The following CDYL variants were observed in gnomAD, a reference collection of about 807,000 sequenced individuals.
CDYL encodes the protein chromodomain Y-like protein.
CDYL carries 8 observed loss-of-function variants against 47.3 expected under a neutral mutation model. The ratio of observed to expected loss-of-function variants is 0.17; its 90% confidence interval spans 0.10 to 0.31. The LOEUF (loss-of-function observed/expected upper bound fraction) is 0.31. Among genes scored for constraint, CDYL ranks in the 10% least tolerant of loss-of-function variants. The probability of loss-of-function intolerance (pLI) is 1.00; values close to 1 mark genes in which losing one functional copy is unlikely to be tolerated. For missense variants in CDYL, 471 were observed against 701.4 expected (o/e 0.67, Z 3.71); for synonymous variants, 266 against 265.0 (o/e 1.00, Z -0.04).
intron 2 of CDYL, chr6:4,734,653 G>A (rs1757669453): frequency 1.4e-6 from 2 of 1,458,460 alleles, no homozygotes. Context: ...AATTCAGGAA[G>A]GGGAGGGCAC....
chr6:4,909,655 C>T (rs35543649), intron 2 of CDYL, among the ~76,000 whole-genome samples: 2,787 of 152,198 alleles, frequency 0.018, 46 homozygotes, highest in Middle Eastern at 0.031. Flanking sequence ...CTACAAGCTC[C>T]GCCTCCCGTC....
intron 3 of CDYL, among the ~76,000 whole-genome samples, chr6:4,754,792 G>A (rs980695110): frequency 6.6e-6 from 1 of 152,094 alleles, no homozygotes; most frequent in Non-Finnish European, 1.5e-5. Context: ...TCATAAATAT[G>A]TACTCTTGAA....
intron 1 of CDYL, among the ~76,000 whole-genome samples, chr6:4,855,457 T>C (rs1760978247): frequency 6.6e-6 from 1 of 152,114 alleles, no homozygotes. Flanking sequence ...CCCAGCTAAT[T>C]TTTATCAGCA....
At chr6:4,885,415 A>G (rs188927676) in intron 1 of CDYL, among the ~76,000 whole-genome samples, 57 of 152,286 alleles carry the variant, frequency 3.7e-4, no homozygotes, top group African/African-American at 1.2e-3. Flanking sequence ...CATAGATGCT[A>G]CCACCTCATT....
intron 1 of CDYL, among the ~76,000 whole-genome samples, chr6:4,878,625 G>T (rs1461945757): frequency 6.6e-6 from 1 of 151,924 alleles, no homozygotes; most frequent in Non-Finnish European, 1.5e-5. Flanking sequence ...AGGATCTGTA[G>T]TGTTATTCTC....
At chr6:4,741,224 A>T (rs922237470) in intron 3 of CDYL, among the ~76,000 whole-genome samples, 2 of 152,080 alleles carry the variant, frequency 1.3e-5, no homozygotes, top group Admixed American at 6.5e-5. Context: ...TTTCTTTTCA[A>T]CCTCCCAGGA....
chr6:4,798,009 G>T (rs1163128236), intron 1 of CDYL, among the ~76,000 whole-genome samples: 6 of 151,362 alleles, frequency 4.0e-5, no homozygotes, highest in African/African-American at 1.5e-4. Context: ...ATTTTATTCT[G>T]TTGCCCAGGC....
chr6:4,778,445 C>T lies in CDYL; in HGVS notation c.24+1638C>T, dbSNP rs535317172. Among the ~76,000 whole-genome samples, 2 of 152,242 alleles carry T rather than the reference C, an allele frequency of 1.3e-5. 1 individual carries two copies. The highest frequency in any genetic ancestry group is 4.1e-4 in the South Asian group (2 of 4,828). Reference sequence around the variant, plus strand: ...AGTTCCTTCTGTGCTTATTCTATATCTTCAGGTTTCTGTTCCTAACAGAAG... The same window carrying T: ...AGTTCCTTCTGTGCTTATTCTATATTTTCAGGTTTCTGTTCCTAACAGAAG... On this transcript the variant is annotated intron_variant, in intron 1 of 6. Coordinates refer to ENST00000397588, the MANE Select transcript of CDYL (RefSeq NM_004824.4).
intron 1 of CDYL, among the ~76,000 whole-genome samples, chr6:4,777,063 C>G: frequency 6.8e-6 from 1 of 147,088 alleles, no homozygotes; most frequent in Non-Finnish European, 1.5e-5. Context: ...GGTGCTGACA[C>G]AAGTGACTTG....
At chr6:4,891,488 C>T (rs1328358465) in intron 1 of CDYL, among the ~76,000 whole-genome samples, 2 of 152,202 alleles carry the variant, frequency 1.3e-5, no homozygotes, top group Non-Finnish European at 2.9e-5. Flanking sequence ...TCACCTAATG[C>T]ATATCCACAC....
At chr6:4,951,492 A>C (rs768033256) in intron 5 of CDYL, among the ~76,000 whole-genome samples, 12 of 152,102 alleles carry the variant, frequency 7.9e-5, no homozygotes, top group African/African-American at 2.7e-4. Flanking sequence ...ATCCAGGACA[A>C]GGTTAAAATT....
intron 1 of CDYL, among the ~76,000 whole-genome samples, chr6:4,865,156 CCTGCT>C (rs1365680581): frequency 2.6e-5 from 4 of 152,164 alleles, no homozygotes; most frequent in Admixed American, 6.5e-5. Context: ...CCCCTGGTCA[CCTGCT>C]CTGCCCTGAG....
Position 4,886,732 on chromosome 6 carries a change from T to C in CDYL, c.25-4981T>C, listed in dbSNP as rs534274203. On this transcript the variant is annotated intron_variant, in intron 1 of 6. Coordinates refer to ENST00000397588, the MANE Select transcript of CDYL (RefSeq NM_004824.4). The stretch of plus-strand genomic sequence containing the variant: ...TTGATATCTAGTTTAATCCACTTTT[T>C]TTCTTTCGTTGCCATTGCTTCTGGT... Among the ~76,000 whole-genome samples, 7 of 152,374 alleles carry C rather than the reference T, an allele frequency of 4.6e-5. No individual in the cohort carries two copies. In the South Asian group the frequency reaches 1.2e-3, roughly 27 times the overall value.
chr6:4,803,864 T>G (rs543839910), intron 1 of CDYL, among the ~76,000 whole-genome samples: 42 of 152,108 alleles, frequency 2.8e-4, no homozygotes, highest in South Asian at 1.9e-3. Context: ...GTATGTGTGT[T>G]TTTTGTACTA....
At position 4,939,885 on chromosome 6, in the gene CDYL, G is replaced by A. The variant is rs547168834; in HGVS notation, c.1121+2148G>A. ...ATATTGTGCTTTTTGGTAGCTCTGC[G>A]GTCATAAGAAAATCGGATGTGTCAG... On this transcript the variant is annotated intron_variant, in intron 4 of 6. Coordinates refer to ENST00000397588, the MANE Select transcript of CDYL (RefSeq NM_004824.4). Among the ~76,000 whole-genome samples the A allele has an allele frequency of 1.2e-4, 19 of 152,264 alleles. No individual in the cohort carries two copies. In the South Asian group the frequency reaches 2.9e-3, roughly 23 times the overall value.
intron 1 of CDYL, among the ~76,000 whole-genome samples, chr6:4,833,712 C>T (rs1316875215): frequency 6.6e-6 from 1 of 151,552 alleles, no homozygotes; most frequent in African/African-American, 2.4e-5. Context: ...GAGTCTAAGT[C>T]TCTTTTTAGA....
chr6:4,765,865 A>G (rs766003771), intron 3 of CDYL, among the ~76,000 whole-genome samples: 1 of 152,140 alleles, frequency 6.6e-6, no homozygotes, highest in Non-Finnish European at 1.5e-5. Context: ...TGCCTGTTGA[A>G]CAAAGTCATC....
chr6:4,904,374 C>G (rs1366251941), intron 2 of CDYL, among the ~76,000 whole-genome samples: 1 of 152,250 alleles, frequency 6.6e-6, no homozygotes, highest in African/African-American at 2.4e-5. Context: ...TAAATGGCAT[C>G]TGCCAAGGCA....
At chr6:4,822,566 C>T (rs75025373) in intron 1 of CDYL, among the ~76,000 whole-genome samples, 4,038 of 152,174 alleles carry the variant, frequency 0.027, 182 homozygotes, top group African/African-American at 0.092. Flanking sequence ...CTAATCCTGG[C>T]AATGAGGGTG....
Sources: gnomAD v4.1 joint callset for allele counts (sites outside exome capture counted in the v4.1 genomes callset) on GRCh38, gnomAD v4.1.1 for gene constraint, MANE v1.5 for transcripts, NCBI Gene and HGNC (gene_info 2026-07-23, HGNC 2026-07-21) for gene names.